The following PARD3 variants were observed in gnomAD, a reference collection of about 807,000 sequenced individuals.
PARD3 encodes par-3 family cell polarity regulator.
Under a neutral mutation model 155.4 loss-of-function variants are expected in PARD3, and 75 were observed. The observed-to-expected ratio is 0.48, with a 90% CI of 0.40 to 0.58. The LOEUF is 0.58. PARD3 is among the 20% of genes least tolerant of loss of function. PARD3 has a pLI of 0.00. For synonymous variants in PARD3, 576 were observed against 610.5 expected, an observed-to-expected ratio of 0.94 and a Z score of 0.83; for missense variants, 1,642 against 1,721.7, an observed-to-expected ratio of 0.95 and a Z score of 0.82.
intron 3 of PARD3, among the ~76,000 whole-genome samples, chr10:34,482,212 TTCTGTAGAGACAGGGTCTCACTTCGTTG>T (rs1157551451): frequency 2.0e-5 from 3 of 151,614 alleles, no homozygotes; most frequent in African/African-American, 7.3e-5. Context: ...TTTTTTTATG[TTCTGTAGAGACAGGGTCTCACTTCGTTG>T]TCTAAGCTGG....
chr10:34,576,962 G>A (rs1319714882), intron 2 of PARD3, among the ~76,000 whole-genome samples: 2 of 152,176 alleles, frequency 1.3e-5, no homozygotes, highest in Admixed American at 6.6e-5. Context: ...GTGTGGGGGT[G>A]AACATACAGC....
chr10:34,465,296 G>A (rs1043086061), intron 4 of PARD3, among the ~76,000 whole-genome samples: 1 of 151,986 alleles, frequency 6.6e-6, no homozygotes, highest in East Asian at 1.9e-4. Flanking sequence ...CATATGCAAA[G>A]AGCAAGCTGT....
At chr10:34,648,220 T>C (rs1312105047) in intron 2 of PARD3, among the ~76,000 whole-genome samples, 1 of 152,196 alleles carries the variant, frequency 6.6e-6, no homozygotes, top group Non-Finnish European at 1.5e-5. Flanking sequence ...AGAGCAACTG[T>C]AATAAATGCA....
intron 22 of PARD3, among the ~76,000 whole-genome samples, chr10:34,267,395 T>A (rs994787304): frequency 2.6e-5 from 4 of 152,170 alleles, no homozygotes; most frequent in Non-Finnish European, 4.4e-5. Context: ...AGCAAAGGGG[T>A]CTAAATAAAC....
intron 3 of PARD3, among the ~76,000 whole-genome samples, chr10:34,483,756 T>C (rs953047295): frequency 2.0e-5 from 3 of 152,206 alleles, no homozygotes; most frequent in African/African-American, 7.2e-5. Flanking sequence ...AGTTATGTTA[T>C]ATAAAGTAAC....
At chr10:34,225,721 T>G (rs1466107079) in intron 22 of PARD3, among the ~76,000 whole-genome samples, 2 of 152,138 alleles carry the variant, frequency 1.3e-5, no homozygotes, top group Non-Finnish European at 2.9e-5. Flanking sequence ...CCTCATCTCA[T>G]ATACAAAAAT....
At chr10:34,156,236 T>C (rs1392529631) in intron 22 of PARD3, among the ~76,000 whole-genome samples, 1 of 152,102 alleles carries the variant, frequency 6.6e-6, no homozygotes, top group African/African-American at 2.4e-5. Context: ...GCCTCCCAAG[T>C]AGCTGGGACT....
chr10:34,503,639 G>A (rs540395506), intron 3 of PARD3, among the ~76,000 whole-genome samples: 267 of 152,264 alleles, frequency 1.8e-3, no homozygotes, highest in Admixed American at 3.7e-3. Flanking sequence ...GAAACACACC[G>A]CAGGATAGAC....
chr10:34,667,248 T>C (rs566719839), intron 2 of PARD3, among the ~76,000 whole-genome samples: 7 of 152,286 alleles, frequency 4.6e-5, no homozygotes, highest in Non-Finnish European at 7.4e-5. Context: ...GAACAAATCA[T>C]CTGCAGCAAA....
At chr10:34,586,974 G>C (rs2088124328) in intron 2 of PARD3, among the ~76,000 whole-genome samples, 1 of 152,192 alleles carries the variant, frequency 6.6e-6, no homozygotes. Flanking sequence ...CACTCATGTA[G>C]GGGTGATACG....
chr10:34,369,335 T>G (rs572095537), intron 12 of PARD3, among the ~76,000 whole-genome samples: 3,240 of 150,176 alleles, frequency 0.022, 113 homozygotes, highest in African/African-American at 0.077. Flanking sequence ...TTTATTTATT[T>G]ATTTATTTAT....
chr10:34,661,877 A>T (rs1211021218), intron 2 of PARD3, among the ~76,000 whole-genome samples: 1 of 152,216 alleles, frequency 6.6e-6, no homozygotes, highest in Non-Finnish European at 1.5e-5. Context: ...TCAATGTTAG[A>T]TAAAGGTTCC....
intron 1 of PARD3, among the ~76,000 whole-genome samples, chr10:34,806,061 C>A (rs572616630): frequency 4.0e-4 from 61 of 151,870 alleles, no homozygotes; most frequent in African/African-American, 1.4e-3. Flanking sequence ...GACAGAGTCT[C>A]GCTGTGTCAC....
chr10:34,755,904 A>G (rs1434692690), intron 1 of PARD3, among the ~76,000 whole-genome samples: 1 of 152,120 alleles, frequency 6.6e-6, no homozygotes, highest in Non-Finnish European at 1.5e-5. Flanking sequence ...AGGCCACCAT[A>G]TCTGAGAATT....
At chr10:34,210,693 C>T (rs1951703460) in intron 22 of PARD3, among the ~76,000 whole-genome samples, 1 of 152,172 alleles carries the variant, frequency 6.6e-6, no homozygotes, top group African/African-American at 2.4e-5. Flanking sequence ...AGAGGAAGTT[C>T]ACCACATCAC....
At chr10:34,599,816 T>C (rs76731110) in intron 2 of PARD3, among the ~76,000 whole-genome samples, 1,526 of 152,316 alleles carry the variant, frequency 0.01, 29 homozygotes, top group African/African-American at 0.033. Flanking sequence ...CATGAAATCA[T>C]ATTAAAGCCA....
At chr10:34,190,789 C>G (rs1328596763) in intron 22 of PARD3, among the ~76,000 whole-genome samples, 2 of 152,118 alleles carry the variant, frequency 1.3e-5, no homozygotes, top group Non-Finnish European at 2.9e-5. Flanking sequence ...AAAAAACTCT[C>G]TGAGGAGTAG....
chr10:34,595,808 C>CT (rs1259493720), intron 2 of PARD3, among the ~76,000 whole-genome samples: 1 of 151,908 alleles, frequency 6.6e-6, no homozygotes, highest in Non-Finnish European at 1.5e-5. Context: ...CCTTGGTTTT[C>CT]TTTTTTCCTA....
chr10:34,554,585 A>C (rs989099845), intron 2 of PARD3, among the ~76,000 whole-genome samples: 4 of 152,336 alleles, frequency 2.6e-5, no homozygotes, highest in African/African-American at 9.6e-5. Context: ...TAACTCAAAG[A>C]CTTTAAACTC....
Sources: allele counts gnomAD v4.1 joint callset (sites outside exome capture counted in the v4.1 genomes callset), GRCh38; gene constraint gnomAD v4.1.1; transcripts MANE v1.5; gene names NCBI Gene and HGNC (gene_info 2026-07-23, HGNC 2026-07-21).